Variants in GRIA2 observed in about 807,000 individuals in gnomAD.
GRIA2 encodes glutamate receptor 2.
Under a neutral mutation model 97.3 loss-of-function variants are expected in GRIA2, and 14 were observed. That is an observed-to-expected ratio of 0.14 (90% CI 0.10 to 0.23). GRIA2 has a LOEUF of 0.23. Ranked by LOEUF, GRIA2 falls within the 10% of genes least tolerant of loss-of-function variation. GRIA2 has a pLI of 1.00. For missense variants in GRIA2, 558 were observed against 1,069.8 expected, an observed-to-expected ratio of 0.52 and a Z score of 6.67; for synonymous variants, 412 against 387.8, an observed-to-expected ratio of 1.06 and a Z score of -0.73.
At chr4:157,223,080 G>A (rs1271893517) in intron 2 of GRIA2, among the ~76,000 whole-genome samples, 1 of 152,180 alleles carries the variant, frequency 6.6e-6, no homozygotes, top group Non-Finnish European at 1.5e-5. Context: ...AATTACCACA[G>A]GAAAAGCCCA....
chr4:157,338,607 T>G (rs1735409690), intron 11 of GRIA2, among the ~76,000 whole-genome samples: 1 of 152,120 alleles, frequency 6.6e-6, no homozygotes, highest in Admixed American at 6.6e-5. Context: ...ATTTCATTCA[T>G]GAGTCATGAC....
At chr4:157,233,424 T>C (rs1329735652) in intron 2 of GRIA2, among the ~76,000 whole-genome samples, 1 of 152,180 alleles carries the variant, frequency 6.6e-6, no homozygotes, top group Non-Finnish European at 1.5e-5. Context: ...CATTATGGAT[T>C]CCTAATGTTT....
At chr4:157,327,805 C>CT (rs1734871668) in intron 6 of GRIA2, among the ~76,000 whole-genome samples, 2 of 152,102 alleles carry the variant, frequency 1.3e-5, no homozygotes, top group Admixed American at 1.3e-4. Flanking sequence ...CTCAAACTTT[C>CT]TTAATTGCTG....
At chr4:157,318,869 C>G (rs1400451106) in intron 5 of GRIA2, among the ~76,000 whole-genome samples, 1 of 152,044 alleles carries the variant, frequency 6.6e-6, no homozygotes, top group Admixed American at 6.6e-5. Context: ...TTTAATGATT[C>G]CTAGTGTATC....
chr4:157,335,699 A>G lies in GRIA2; in HGVS notation c.1295A>G (p.Asn432Ser), dbSNP rs1463613577. 6.2e-7 allele frequency: 1 copy of G among 1,610,890 alleles called. No individual in the cohort carries two copies. Among genetic ancestry groups the G allele is most frequent in the Non-Finnish European group, 8.5e-7 (1 of 1,177,528 alleles). Residue 432 changes from asparagine to serine, a missense_variant, in exon 10 of 16, where the codon AAT (asparagine) becomes AGT (serine). By Grantham distance (46) the Asn-to-Ser change is conservative (BLOSUM62 1). Transcript: ENST00000264426. ...LESPYVMMKK[N>S]HEMLEGNERY... ...TCTCCGTATGTTATGATGAAGAAAAATCATGAAATGCTTGAAGGCAATGAG... is the reference window on the plus strand; with the variant it reads ...TCTCCGTATGTTATGATGAAGAAAAGTCATGAAATGCTTGAAGGCAATGAG...
chr4:157,247,036 T>G (rs1462507987), intron 2 of GRIA2, among the ~76,000 whole-genome samples: 4 of 152,180 alleles, frequency 2.6e-5, no homozygotes, highest in Non-Finnish European at 5.9e-5. Context: ...GCTATTTATT[T>G]TATATTTCCT....
chr4:157,326,023 G>A (rs766481097), intron 6 of GRIA2, among the ~76,000 whole-genome samples: 1 of 151,980 alleles, frequency 6.6e-6, no homozygotes, highest in Non-Finnish European at 1.5e-5. Context: ...GTCTTATGAG[G>A]CCCTGTCACC....
intron 3 of GRIA2, among the ~76,000 whole-genome samples, chr4:157,308,597 A>C (rs1247144997): frequency 6.6e-6 from 1 of 152,234 alleles, no homozygotes; most frequent in Non-Finnish European, 1.5e-5. Flanking sequence ...TAGAAATTCA[A>C]ATATCCTAAT....
At chr4:157,324,251 A>G (rs920996355) in intron 6 of GRIA2, among the ~76,000 whole-genome samples, 2 of 152,172 alleles carry the variant, frequency 1.3e-5, no homozygotes, top group African/African-American at 2.4e-5. Context: ...CCTGAAGCTC[A>G]ATAAAAATTA....
intron 11 of GRIA2, 92 bp downstream of exon 11, chr4:157,336,839 T>G: frequency 8.4e-7 from 1 of 1,190,436 alleles, no homozygotes. Flanking sequence ...AGTTACCAGC[T>G]GCCGACTTCC....
At chr4:157,245,853 G>A (rs1211904279) in intron 2 of GRIA2, among the ~76,000 whole-genome samples, 1 of 152,040 alleles carries the variant, frequency 6.6e-6, no homozygotes, top group East Asian at 1.9e-4. Context: ...TGCTTCGTCA[G>A]CATGGCAGAA....
chr4:157,243,628 G>T (rs1730601951), intron 2 of GRIA2, among the ~76,000 whole-genome samples: 1 of 152,086 alleles, frequency 6.6e-6, no homozygotes, highest in Non-Finnish European at 1.5e-5. Flanking sequence ...TGTGAATCCT[G>T]TTATCATAGG....
At chr4:157,251,727 T>TA (rs1434474180) in intron 2 of GRIA2, among the ~76,000 whole-genome samples, 1 of 152,116 alleles carries the variant, frequency 6.6e-6, no homozygotes, top group Non-Finnish European at 1.5e-5. Flanking sequence ...ACTACTACAA[T>TA]AAAATGTCTA....
intron 12 of GRIA2, chr4:157,341,952 A>T: frequency 6.0e-6 from 1 of 168,034 alleles, no homozygotes; most frequent in East Asian, 1.9e-4. Context: ...AAAAGCCAAC[A>T]AAGGCTCTCC....
chr4:157,360,141 A>G lies in GRIA2; in HGVS notation c.2289A>G (p.Leu763=). The G allele has an allele frequency of 6.2e-7, 1 of 1,613,504 alleles. No individual in the cohort carries two copies. The highest frequency in any genetic ancestry group is 8.5e-7 in the Non-Finnish European group (1 of 1,179,566). The change falls in exon 13 of 16, where the codon TTA becomes TTG. Residue 763 remains leucine (L), a splice_region_variant and synonymous_variant. Transcript: ENST00000264426. ...YGIATPKGSS[L]RNAVNLAVLK... is the part of the protein sequence containing the mutation. ...TCGCAACACCTAAAGGATCCTCATT[A>G]AGGTGGGTGGAATAGTATAACAATA...
chr4:157,326,999 T>C (rs1052040963), intron 6 of GRIA2, among the ~76,000 whole-genome samples: 5 of 152,160 alleles, frequency 3.3e-5, no homozygotes, highest in Admixed American at 6.5e-5. Flanking sequence ...TAATTGTGGT[T>C]GTGGCATGGG....
intron 6 of GRIA2, among the ~76,000 whole-genome samples, chr4:157,330,642 A>G (rs1735008284): frequency 6.6e-6 from 1 of 152,004 alleles, no homozygotes; most frequent in East Asian, 1.9e-4. Context: ...CATAACAAAC[A>G]TGTCTAAAAT....
At position 157,333,321 on chromosome 4, in the gene GRIA2, A is replaced by G. The variant is rs147370585; in HGVS notation, c.1123A>G (p.Ile375Val). The G allele has an allele frequency of 5.6e-4, 891 of 1,599,366 alleles. 6 individuals are homozygous for G. The African/African-American group carries it at 0.011, about 19-fold the overall frequency. ...NGKRINYTIN[I>V]MELKTNGPRK... is the part of the protein sequence containing the mutation. ...AAAAAGAATAAACTATACAATTAAC[A>G]TCATGGAGCTCAAAACTAATGGGCC... Residue 375 changes from isoleucine to valine, a missense_variant, in exon 8 of 16, where the codon ATC (isoleucine) becomes GTC (valine). Ile to Val is a conservative substitution (Grantham distance 29). Coordinates refer to ENST00000264426, the MANE Select transcript of GRIA2 (RefSeq NM_001083619.3).
Position 157,336,374 on chromosome 4 carries a change from C to G in GRIA2, c.1474-3C>G. 6.5e-7 allele frequency: 1 copy of G among 1,531,378 alleles called. No homozygotes were observed. The highest frequency in any genetic ancestry group is 8.8e-7 in the Non-Finnish European group (1 of 1,141,118). 94.9% of individuals were successfully genotyped at this position (1,531,378 alleles called of 1,614,324 possible). A position where few individuals can be genotyped will look rare whatever the true frequency, so the allele number is the denominator to read the frequency against. On this transcript the variant is annotated splice_region_variant and splice_polypyrimidine_tract_variant and intron_variant, in intron 10 of 15. Transcript: ENST00000264426. ...CTATTACTTTCCTTTTTTTCCCTTACAGAAAGCTGATATTGCAATTGCTCC... is the reference window on the plus strand; with the variant it reads ...CTATTACTTTCCTTTTTTTCCCTTAGAGAAAGCTGATATTGCAATTGCTCC...
Sources: allele counts gnomAD v4.1 joint callset (sites outside exome capture counted in the v4.1 genomes callset), GRCh38; gene constraint gnomAD v4.1.1; transcripts MANE v1.5; gene names NCBI Gene and HGNC (gene_info 2026-07-23, HGNC 2026-07-21).